NIBAN1: variants seen among roughly 807,000 people sequenced by gnomAD.
The protein encoded by NIBAN1 is protein Niban 1.
A neutral mutation model predicts 75.1 loss-of-function variants in NIBAN1; 81 were observed. That is an observed-to-expected ratio of 1.08 (90% confidence interval 0.90 to 1.30). The LOEUF is 1.30. NIBAN1 is among the 50% of genes most tolerant of loss of function. The probability of loss-of-function intolerance (pLI) is 0.00; values close to 1 mark genes in which losing one functional copy is unlikely to be tolerated. For missense variants in NIBAN1, 1,133 were observed against 1,128.1 expected, an observed-to-expected ratio of 1.00 and a Z score of -0.06; for synonymous variants, 436 against 424.8, an observed-to-expected ratio of 1.03 and a Z score of -0.32.
chr1:184,853,038 A>G (rs1655586081), intron 5 of NIBAN1, among the ~76,000 whole-genome samples: 1 of 152,254 alleles, frequency 6.6e-6, no homozygotes, highest in Admixed American at 6.5e-5. Flanking sequence ...AAATATTCAA[A>G]TAAAAAAATT....
chr1:184,801,720 G>A (rs1654047354), intron 12 of NIBAN1, among the ~76,000 whole-genome samples: 1 of 152,212 alleles, frequency 6.6e-6, no homozygotes, highest in African/African-American at 2.4e-5. Context: ...CAGGACTTCA[G>A]GGATGCTGGG....
Position 184,827,015 on chromosome 1 carries a change from T to A in NIBAN1, c.718-3273A>T, listed in dbSNP as rs191569383. ...CTGTTCTAGTGGTAGTGAATAAGTC[T>A]CACCAGATCTGATGATTTTATAAGG... On this transcript the variant is annotated intron_variant, in intron 6 of 13. Coordinates refer to ENST00000367511, the MANE Select transcript of NIBAN1 (RefSeq NM_052966.4). Among the ~76,000 whole-genome samples the A allele has an allele frequency of 2.6e-4, 39 of 152,284 alleles. No homozygotes were observed. In the East Asian group the frequency reaches 6.6e-3, roughly 26 times the overall value.
intron 1 of NIBAN1, among the ~76,000 whole-genome samples, chr1:184,933,278 C>T (rs542283757): frequency 6.6e-6 from 1 of 152,230 alleles, no homozygotes; most frequent in Non-Finnish European, 1.5e-5. Flanking sequence ...ATTCACTCAA[C>T]ATATATCCAC....
At chr1:184,945,306 A>G (rs971105375) in intron 1 of NIBAN1, among the ~76,000 whole-genome samples, 3 of 151,910 alleles carry the variant, frequency 2.0e-5, no homozygotes, top group Non-Finnish European at 2.9e-5. Flanking sequence ...AGAACATGGC[A>G]GAAACCCTCT....
intron 1 of NIBAN1, among the ~76,000 whole-genome samples, chr1:184,904,392 A>T (rs554015983): frequency 6.6e-6 from 1 of 152,308 alleles, no homozygotes; most frequent in South Asian, 2.1e-4. Context: ...GAAGGAAACT[A>T]ACACACCTCT....
At chr1:184,964,419 C>G (rs184408423) in intron 1 of NIBAN1, among the ~76,000 whole-genome samples, 4 of 152,344 alleles carry the variant, frequency 2.6e-5, no homozygotes, top group African/African-American at 9.6e-5. Context: ...CTGTGACCAT[C>G]TGGGAGGCAG....
intron 1 of NIBAN1, among the ~76,000 whole-genome samples, chr1:184,972,983 C>T (rs114229571): frequency 3.9e-5 from 6 of 152,254 alleles, no homozygotes; most frequent in African/African-American, 1.4e-4. Flanking sequence ...TTTCTCACTA[C>T]GTTCTGTTGA....
At chr1:184,966,813 G>C (rs959760268) in intron 1 of NIBAN1, among the ~76,000 whole-genome samples, 2 of 152,150 alleles carry the variant, frequency 1.3e-5, no homozygotes, top group East Asian at 1.9e-4. Context: ...GTTTGGCATA[G>C]AGACATTTAC....
intron 8 of NIBAN1, 69 bp from the exon 9 acceptor site, chr1:184,818,894 C>T (rs1654613731): frequency 2.0e-6 from 3 of 1,514,280 alleles, no homozygotes; most frequent in East Asian, 2.3e-5. Context: ...TGGAGCCAGA[C>T]CAGAGCTGAA....
intron 1 of NIBAN1, among the ~76,000 whole-genome samples, chr1:184,962,803 A>AATTG (rs1658685106): frequency 6.6e-6 from 1 of 152,202 alleles, no homozygotes; most frequent in Non-Finnish European, 1.5e-5. Context: ...TTTTATAGTC[A>AATTG]ATTGATCATC....
At chr1:184,885,464 C>T (rs774532970) in intron 4 of NIBAN1, among the ~76,000 whole-genome samples, 3 of 152,160 alleles carry the variant, frequency 2.0e-5, no homozygotes, top group Non-Finnish European at 4.4e-5. Flanking sequence ...CATGAGCCAC[C>T]GCGCCCAGCC....
At chr1:184,812,462 T>G (rs1654409913) in intron 9 of NIBAN1, among the ~76,000 whole-genome samples, 1 of 152,214 alleles carries the variant, frequency 6.6e-6, no homozygotes, top group South Asian at 2.1e-4. Context: ...GAGCCTGGCA[T>G]GCCGGCCAAA....
intron 5 of NIBAN1, among the ~76,000 whole-genome samples, chr1:184,839,916 G>T (rs765279687): frequency 5.3e-5 from 8 of 151,892 alleles, no homozygotes; most frequent in East Asian, 1.9e-4. Flanking sequence ...TAATTTTAAG[G>T]TTATTTTAAA....
At chr1:184,955,953 T>C (rs781292690) in intron 1 of NIBAN1, among the ~76,000 whole-genome samples, 1 of 152,098 alleles carries the variant, frequency 6.6e-6, no homozygotes, top group African/African-American at 2.4e-5. Context: ...GTATGCACAG[T>C]GTCCACTTAG....
At position 184,795,213 on chromosome 1, in the gene NIBAN1, T is replaced by C; in HGVS notation, c.2551A>G (p.Ile851Val). The C allele has an allele frequency of 6.2e-7, 1 of 1,614,126 alleles. No homozygotes were observed. Among genetic ancestry groups the C allele is most frequent in the Non-Finnish European group, 8.5e-7 (1 of 1,180,046 alleles). The stretch of plus-strand genomic sequence containing the variant: ...GAAACCTGGCTCTCACTGAGGCAGA[T>C]GGGGTCAGAACCTAAGGTGCAGCCC... ...QEGCTLGSDP[I>V]CLSESQVSEE... Residue 851 changes from isoleucine (I) to valine (V), a missense_variant, in exon 14 of 14, where the codon ATC becomes GTC. Physicochemically the swap from Ile to Val is conservative, Grantham distance 29. Transcript: ENST00000367511.
chr1:184,902,437 C>T (rs1656978032), intron 1 of NIBAN1, among the ~76,000 whole-genome samples: 1 of 152,026 alleles, frequency 6.6e-6, no homozygotes, highest in South Asian at 2.1e-4. Context: ...CAGTAAAGTG[C>T]TCAGCATGAT....
Position 184,794,844 on chromosome 1 carries a change from T to G in NIBAN1, c.*133A>C. ...TCAGTTGCTCATGCCCTGTATGCAT[T>G]TCCTCTGGTTTTATTATTCAAATTA... On this transcript the variant is annotated 3_prime_UTR_variant, in exon 14 of 14. Transcript: ENST00000367511. 8.3e-7 allele frequency: 1 copy of G among 1,202,554 alleles called. No individual in the cohort carries two copies. The highest frequency in any genetic ancestry group is 1.2e-6 in the Non-Finnish European group (1 of 836,650). 74.5% of individuals were successfully genotyped at this position (1,202,554 alleles called of 1,614,324 possible). A position where few individuals can be genotyped will look rare whatever the true frequency, so the allele number is the denominator to read the frequency against.
Position 184,844,631 on chromosome 1 carries a change from G to T in NIBAN1, c.602-12669C>A, listed in dbSNP as rs570468096. Among the ~76,000 whole-genome samples, 10 of 152,220 alleles carry T rather than the reference G, an allele frequency of 6.6e-5. No individual in the cohort carries two copies. In the South Asian group the frequency reaches 1.5e-3, roughly 22 times the overall value. On this transcript the variant is annotated intron_variant, in intron 5 of 13. Transcript: ENST00000367511. Reference sequence around the variant, plus strand: ...CGGAAAATAAGAATAAAAATAATAGGCACAATATAGATTTCTAGTCCCATG... The same window carrying T: ...CGGAAAATAAGAATAAAAATAATAGTCACAATATAGATTTCTAGTCCCATG...
At chr1:184,903,428 C>T (rs1159081907) in intron 1 of NIBAN1, among the ~76,000 whole-genome samples, 1 of 152,132 alleles carries the variant, frequency 6.6e-6, no homozygotes, top group Non-Finnish European at 1.5e-5. Context: ...ATGTAATCCC[C>T]AATGTTGGAG....
Sources: allele counts gnomAD v4.1 joint callset (sites outside exome capture counted in the v4.1 genomes callset), GRCh38; gene constraint gnomAD v4.1.1; transcripts MANE v1.5; gene names NCBI Gene and HGNC (gene_info 2026-07-23, HGNC 2026-07-21).